Variants in DHX29 observed in about 807,000 individuals in gnomAD.
The protein encoded by DHX29 is ATP-dependent RNA helicase DHX29.
Under a neutral mutation model 167.9 loss-of-function variants are expected in DHX29, and 79 were observed. The ratio of observed to expected loss-of-function variants is 0.47; its 90% CI spans 0.39 to 0.57. The LOEUF (loss-of-function observed/expected upper bound fraction) is 0.57. DHX29 is among the 20% of genes least tolerant of loss of function. The pLI is 0.00. For synonymous variants in DHX29, 530 were observed against 546.0 expected (o/e 0.97, Z 0.41); for missense variants, 1,347 against 1,593.4 (o/e 0.85, Z 2.63).
intron 18 of DHX29, among the ~76,000 whole-genome samples, chr5:55,271,496 G>A (rs1746852359): frequency 6.6e-6 from 1 of 152,190 alleles, no homozygotes; most frequent in African/African-American, 2.4e-5. Flanking sequence ...AGCCGAGTGT[G>A]GTGGCATGTG....
intron 23 of DHX29, among the ~76,000 whole-genome samples, chr5:55,266,047 T>C (rs1187557650): frequency 6.6e-6 from 1 of 152,130 alleles, no homozygotes; most frequent in Non-Finnish European, 1.5e-5. Context: ...TCACCCAGAT[T>C]GGAGTGCAGT....
chr5:55,256,638 T>G (rs1746072003), intron 26 of DHX29, 98 bp from the exon 27 acceptor site: 7 of 1,064,130 alleles, frequency 6.6e-6, no homozygotes, highest in Middle Eastern at 4.3e-4. Context: ...CACTAAAAAT[T>G]TTTACATTAG....
chr5:55,282,337 G>A (rs1405489794), intron 11 of DHX29, among the ~76,000 whole-genome samples: 3 of 152,238 alleles, frequency 2.0e-5, no homozygotes, highest in African/African-American at 4.8e-5. Flanking sequence ...GTGCCTAGCG[G>A]AATTTTAATG....
chr5:55,298,203 G>A (rs939623404), intron 2 of DHX29, among the ~76,000 whole-genome samples: 4 of 152,084 alleles, frequency 2.6e-5, no homozygotes, highest in African/African-American at 7.2e-5. Context: ...GGCACTCTAC[G>A]CAGAGAGTAC....
At chr5:55,298,498 C>A (rs1357954232) in intron 2 of DHX29, 93 bp downstream of exon 2, 12 of 721,306 alleles carry the variant, frequency 1.7e-5, no homozygotes, top group Admixed American at 5.0e-5. Context: ...ATTTAAAACA[C>A]CCCATCATTT....
intron 16 of DHX29, among the ~76,000 whole-genome samples, chr5:55,273,579 G>T (rs940162149): frequency 1.3e-5 from 2 of 152,062 alleles, no homozygotes; most frequent in Non-Finnish European, 2.9e-5. Context: ...TATGCGAATA[G>T]GATTAAATTT....
intron 20 of DHX29, 144 bp downstream of exon 20, chr5:55,270,268 T>C (rs756703042): frequency 2.4e-5 from 22 of 925,082 alleles, no homozygotes; most frequent in Non-Finnish European, 3.3e-5. Context: ...GATTTACTTA[T>C]AATAAGATGG....
At chr5:55,258,540 A>C (rs895172480) in intron 26 of DHX29, among the ~76,000 whole-genome samples, 1 of 152,100 alleles carries the variant, frequency 6.6e-6, no homozygotes, top group Non-Finnish European at 1.5e-5. Context: ...GATTTTGATG[A>C]TTTGGCAAGT....
At chr5:55,281,283 T>C in intron 12 of DHX29, 89 bp downstream of exon 12, 1 of 1,133,726 alleles carries the variant, frequency 8.8e-7, no homozygotes, top group Non-Finnish European at 1.2e-6. Context: ...TTAGTAAGCA[T>C]AAAGAAAATG....
intron 1 of DHX29, among the ~76,000 whole-genome samples, chr5:55,302,162 T>C (rs1748637428): frequency 6.6e-6 from 1 of 152,208 alleles, no homozygotes; most frequent in Non-Finnish European, 1.5e-5. Context: ...CTCCTATAAA[T>C]TCATGTCAAT....
chr5:55,274,781 G>A (rs1211968823), intron 15 of DHX29, 50 bp from the exon 16 acceptor site: 3 of 1,562,698 alleles, frequency 1.9e-6, no homozygotes, highest in Non-Finnish European at 2.6e-6. Context: ...ATAAGGAACA[G>A]CATATAAAAT....
chr5:55,292,610 C>G (rs1286571934), intron 6 of DHX29, among the ~76,000 whole-genome samples: 1 of 152,146 alleles, frequency 6.6e-6, no homozygotes, highest in Non-Finnish European at 1.5e-5. Flanking sequence ...GGAAAAGTGT[C>G]AAAATCACCT....
chr5:55,278,071 G>A (rs4865601), intron 12 of DHX29, among the ~76,000 whole-genome samples: 8,824 of 152,088 alleles, frequency 0.058, 454 homozygotes, highest in Admixed American at 0.12. Context: ...GCAGGAATCC[G>A]ACAGAATCTC....
chr5:55,264,844 C>CTGG lies in DHX29; in HGVS notation c.3526-1913_3526-1912insCCA, dbSNP rs565734033. On this transcript the variant is annotated intron_variant, in intron 23 of 26. Transcript: ENST00000251636. ...ATTTATCCTAATTTTCTTGTATAGA[C>CTGG]TGTACCTCAGGGTATTCAAATATTG... Among the ~76,000 whole-genome samples, 19 of 152,268 alleles carry CTGG rather than the reference C, an allele frequency of 1.2e-4. No homozygotes were observed. In the East Asian group the frequency reaches 3.3e-3, roughly 26 times the overall value.
In DHX29 at chr5:55,263,581, G is replaced by A. The variant is rs1246807871; in HGVS notation, c.3526-649C>T. Among the ~76,000 whole-genome samples the A allele has an allele frequency of 2.6e-5, 4 of 151,726 alleles. No homozygotes were observed. In the East Asian group the frequency reaches 7.8e-4, roughly 30 times the overall value. ...GGGGCTTAAGGGACTTTGATTCTAGGAGAGAAAAGACCAAACAGACAGCTG... is the reference window on the plus strand; with the variant it reads ...GGGGCTTAAGGGACTTTGATTCTAGAAGAGAAAAGACCAAACAGACAGCTG... On this transcript the variant is annotated intron_variant, in intron 23 of 26. Coordinates refer to ENST00000251636, the MANE Select transcript of DHX29 (RefSeq NM_019030.4).
rs185772146 is a variant in DHX29 at position 55,267,618 on chromosome 5, G to A, written c.3431+68C>T. ...GAAGTACAATTTTAATAAGTCAAAG[G>A]TAATATATTTTAAAGTAAATAACCT... On this transcript the variant is annotated intron_variant, in intron 22 of 26. Transcript: ENST00000251636. 5.8e-6 allele frequency: 8 copies of A among 1,385,126 alleles called. No homozygotes were observed. In the African/African-American group the frequency reaches 5.8e-5, roughly 10 times the overall value. The allele number at this position is 1,385,126 out of a possible 1,614,324, so 85.8% of individuals were successfully genotyped here.
Position 55,267,840 on chromosome 5 carries a change from A to G in DHX29, c.3295-18T>C. On this transcript the variant is annotated intron_variant, in intron 21 of 26. Transcript: ENST00000251636. ...AGTGTTGCCTATCCATAAATCATAA[A>G]TGACAAAACAATTTATCATTAAAGA... 1 of 1,576,264 alleles carries G rather than the reference A, an allele frequency of 6.3e-7. No homozygotes were observed. The highest frequency in any genetic ancestry group is 8.6e-7 in the Non-Finnish European group (1 of 1,160,220).
rs573898081 is a variant in DHX29 at position 55,297,166 on chromosome 5, G to A, written c.375+119C>T. ...GCACAATTCTTTCTCTATTCTTAGA[G>A]ATGGAAATGATCTACATAAAATCTC... On this transcript the variant is annotated intron_variant, in intron 3 of 26. Coordinates refer to ENST00000251636, the MANE Select transcript of DHX29 (RefSeq NM_019030.4). 35 of 606,622 alleles carry A rather than the reference G, an allele frequency of 5.8e-5. No homozygotes were observed. The Admixed American group carries it at 8.4e-4, about 15-fold the overall frequency. The allele number at this position is 606,622 out of a possible 1,614,324, so 37.6% of individuals were successfully genotyped here.
intron 5 of DHX29, chr5:55,295,157 C>T: frequency 1.1e-5 from 5 of 462,674 alleles, no homozygotes; most frequent in Non-Finnish European, 1.5e-5. Flanking sequence ...GAGCCCAGCA[C>T]AGACTGCAGA....
Sources: allele counts gnomAD v4.1 joint callset (sites outside exome capture counted in the v4.1 genomes callset), GRCh38; gene constraint gnomAD v4.1.1; transcripts MANE v1.5; gene names NCBI Gene and HGNC (gene_info 2026-07-23, HGNC 2026-07-21).